IRF4: variants seen among roughly 807,000 people sequenced by gnomAD.
IRF4 encodes interferon regulatory factor 4.
Under a neutral mutation model 55.5 loss-of-function variants are expected in IRF4, and 13 were observed. The ratio of observed to expected loss-of-function variants is 0.23; its 90% CI spans 0.15 to 0.37. IRF4 has a LOEUF of 0.37. Ranked by LOEUF, IRF4 falls within the 10% of genes least tolerant of loss-of-function variation. IRF4 has a pLI of 1.00. For synonymous variants in IRF4, 249 were observed against 240.7 expected (o/e 1.03, Z -0.32); for missense variants, 397 against 593.8 (o/e 0.67, Z 3.44).
intron 1 of IRF4, among the ~76,000 whole-genome samples, chr6:392,257 G>A (rs1375449359): frequency 2.0e-5 from 3 of 152,366 alleles, no homozygotes; most frequent in South Asian, 2.1e-4. Context: ...GGCGGCCTCC[G>A]GCGCGGTGCT....
Position 395,832 on chromosome 6 carries a change from T to TC in IRF4, c.404-11dup. ...TTTTTACGTTGTGCCATTTCCCTTTTCCCCAAACATGTAGGAGCCAAGCAG... is the reference window on the plus strand; with the variant it reads ...TTTTTACGTTGTGCCATTTCCCTTTTCCCCCAAACATGTAGGAGCCAAGCAG... On this transcript the variant is annotated splice_polypyrimidine_tract_variant and intron_variant, in intron 3 of 8. Transcript: ENST00000380956. The TC allele has an allele frequency of 6.2e-7, 1 of 1,606,724 alleles. No individual in the cohort carries two copies. The highest frequency in any genetic ancestry group is 8.5e-7 in the Non-Finnish European group (1 of 1,174,380).
Position 410,057 on chromosome 6 carries a change from C to T in IRF4, c.*2459C>T, listed in dbSNP as rs971541091. 5 of 226,300 alleles carry T rather than the reference C, an allele frequency of 2.2e-5. No individual in the cohort carries two copies. Among genetic ancestry groups the T allele is most frequent in the Non-Finnish European group, 4.4e-5 (5 of 113,660 alleles). The allele number at this position is 226,300 out of a possible 1,614,324, so 14.0% of individuals were successfully genotyped here. On this transcript the variant is annotated 3_prime_UTR_variant, in exon 9 of 9. Transcript: ENST00000380956. ...GGGAATGAACTAGCTATGAAATACT[C>T]AGGGTTAGGAATCCTAGCACTTGTC...
intron 1 of IRF4, among the ~76,000 whole-genome samples, chr6:392,639 G>A (rs1414454858): frequency 6.6e-6 from 1 of 152,188 alleles, no homozygotes; most frequent in Non-Finnish European, 1.5e-5. Flanking sequence ...GGCCGCAGGC[G>A]AGGTCCTCCG....
At chr6:403,407 G>A (rs528073845) in intron 7 of IRF4, among the ~76,000 whole-genome samples, 50 of 152,386 alleles carry the variant, frequency 3.3e-4, no homozygotes, top group African/African-American at 1.0e-3. Flanking sequence ...ATACCACAAG[G>A]TGAGGGCTTT....
At chr6:392,212 C>A (rs1480301981) in intron 1 of IRF4, among the ~76,000 whole-genome samples, 2 of 152,258 alleles carry the variant, frequency 1.3e-5, no homozygotes, top group Non-Finnish European at 2.9e-5. Context: ...GAGGCTCCTT[C>A]CCCTGCTCTT....
intron 3 of IRF4, among the ~76,000 whole-genome samples, chr6:395,240 G>GGC (rs1554106740): frequency 6.7e-6 from 1 of 149,334 alleles, no homozygotes. Context: ...AATGTATATG[G>GGC]GGGGGGGTGC....
Position 393,426 on chromosome 6 carries a change from GGGGT to G in IRF4, c.216+59_216+62del. 1 of 1,278,582 alleles carries G rather than the reference GGGGT, an allele frequency of 7.8e-7. No individual in the cohort carries two copies. The allele number at this position is 1,278,582 out of a possible 1,614,324, so 79.2% of individuals were successfully genotyped here. The stretch of plus-strand genomic sequence containing the variant: ...CGGGGAGGGCCCAGAGACAGAGCCC[GGGGT>G]CCCCGGCGCCGCCTCCGAGGCGAGC... On this transcript the variant is annotated intron_variant, in intron 2 of 8. Transcript: ENST00000380956. The surrounding 1 kb of genome is among the most constrained non-coding windows in gnomAD (Gnocchi z 5.4).
rs1415326845 is a variant in IRF4 at position 393,055 on chromosome 6, A to G, written c.-55-43A>G. 6 of 1,125,354 alleles carry G rather than the reference A, an allele frequency of 5.3e-6. No individual in the cohort carries two copies. The highest frequency in any genetic ancestry group is 1.6e-5 in the African/African-American group (1 of 63,096). The allele number at this position is 1,125,354 out of a possible 1,614,324, so 69.7% of individuals were successfully genotyped here. A position where few individuals can be genotyped will look rare whatever the true frequency, so the allele number is the denominator to read the frequency against. ...CAGGGGATCGGGGCGGGGTGCCCGG[A>G]GTGCGGTGCCTCGTGGCTGAAGGGC... On this transcript the variant is annotated intron_variant, in intron 1 of 8. Transcript: ENST00000380956. The surrounding 1 kb of genome is among the most constrained non-coding windows in gnomAD (Gnocchi z 5.4).
At chr6:397,390 G>A in intron 5 of IRF4, 138 bp downstream of exon 5, 1 of 1,026,956 alleles carries the variant, frequency 9.7e-7, no homozygotes, top group Non-Finnish European at 1.4e-6. Context: ...TCGGGGAGAG[G>A]GGGGTTTTCT....
At chr6:394,004 T>C (rs1761192589) in intron 2 of IRF4, among the ~76,000 whole-genome samples, 1 of 152,228 alleles carries the variant, frequency 6.6e-6, no homozygotes, top group Non-Finnish European at 1.5e-5. Flanking sequence ...CCTTGCCCTT[T>C]GCGCGAGTGC....
intron 2 of IRF4, 125 bp from the exon 3 acceptor site, chr6:394,696 G>A: frequency 3.5e-6 from 3 of 863,208 alleles, no homozygotes; most frequent in Admixed American, 2.3e-5. Flanking sequence ...TCGATGCTGC[G>A]GTGAGCTATC....
chr6:395,842 T>C lies in IRF4; in HGVS notation c.404-5T>C, dbSNP rs1761236295. 6.2e-7 allele frequency: 1 copy of C among 1,611,848 alleles called. No individual in the cohort carries two copies. The highest frequency in any genetic ancestry group is 8.5e-7 in the Non-Finnish European group (1 of 1,178,480). On this transcript the variant is annotated splice_polypyrimidine_tract_variant and splice_region_variant and intron_variant, in intron 3 of 8. Transcript: ENST00000380956. Reference sequence around the variant, plus strand: ...GTGCCATTTCCCTTTTCCCCAAACATGTAGGAGCCAAGCAGCTCACCCTGG... The same window carrying C: ...GTGCCATTTCCCTTTTCCCCAAACACGTAGGAGCCAAGCAGCTCACCCTGG...
rs2127443650 is a variant in IRF4, at chr6:408,911, C to T, written c.*1313C>T. 4.3e-6 allele frequency: 1 copy of T among 230,464 alleles called. No homozygotes were observed. The highest frequency in any genetic ancestry group is 6.1e-5 in the East Asian group (1 of 16,412). The allele number at this position is 230,464 out of a possible 1,614,324, so 14.3% of individuals were successfully genotyped here. On this transcript the variant is annotated 3_prime_UTR_variant, in exon 9 of 9. Coordinates refer to ENST00000380956, the MANE Select transcript of IRF4 (RefSeq NM_002460.4). ...TTGACAGGGCCTTAAAATTACTTGGCTTTTTCCAAATGCTTCTATTTATAG... is the reference window on the plus strand; with the variant it reads ...TTGACAGGGCCTTAAAATTACTTGGTTTTTTCCAAATGCTTCTATTTATAG...
intron 7 of IRF4, among the ~76,000 whole-genome samples, chr6:402,451 G>A (rs1761428784): frequency 6.6e-6 from 1 of 151,830 alleles, no homozygotes; most frequent in Non-Finnish European, 1.5e-5. Flanking sequence ...GTGGGAGGGA[G>A]CTGCTCTACC....
At chr6:394,677 CTCAGGAGT>C (rs1761207664) in intron 2 of IRF4, 136 bp from the exon 3 acceptor site, 4 of 762,864 alleles carry the variant, frequency 5.2e-6, no homozygotes, top group Admixed American at 4.8e-5. Flanking sequence ...GACCCTAGAA[CTCAGGAGT>C]TCGATGCTGC....
intron 7 of IRF4, 49 bp from the exon 8 acceptor site, chr6:404,969 C>G (rs372284220): frequency 2.1e-5 from 24 of 1,166,246 alleles, no homozygotes; most frequent in Non-Finnish European, 2.8e-5. Context: ...CTGGTGTGTT[C>G]GGTGATGAGG....
chr6:399,336 G>A (rs1761343381), intron 6 of IRF4, among the ~76,000 whole-genome samples: 1 of 152,120 alleles, frequency 6.6e-6, no homozygotes, highest in African/African-American at 2.4e-5. Context: ...TCCAGGTTGA[G>A]CCACAAATAA....
At position 401,405 on chromosome 6, in the gene IRF4, C is replaced by T. The variant is rs765592332; in HGVS notation, c.746-19C>T. Reference sequence around the variant, plus strand: ...TGTCCTTGGCCCCCAGCACTGACTCCGGAGCTCTGTGTTTGCAGACTGCCG... The same window carrying T: ...TGTCCTTGGCCCCCAGCACTGACTCTGGAGCTCTGTGTTTGCAGACTGCCG... On this transcript the variant is annotated intron_variant, in intron 6 of 8. Coordinates refer to ENST00000380956, the MANE Select transcript of IRF4 (RefSeq NM_002460.4). 31 of 1,597,020 alleles carry T rather than the reference C, an allele frequency of 1.9e-5. No individual in the cohort carries two copies. The highest frequency in any genetic ancestry group is 2.2e-5 in the Non-Finnish European group (26 of 1,171,250).
Position 401,792 on chromosome 6 carries a change from T to C in IRF4, c.1099+15T>C, listed in dbSNP as rs1372002361. On this transcript the variant is annotated intron_variant, in intron 7 of 8. Coordinates refer to ENST00000380956, the MANE Select transcript of IRF4 (RefSeq NM_002460.4). ...GTTCTTGTCAGGTAAGGCACCTCGT[T>C]ATCTGTTAGAATGGAGGTGGTGATG... 1 of 1,611,438 alleles carries C rather than the reference T, an allele frequency of 6.2e-7. No individual in the cohort carries two copies. Among genetic ancestry groups the C allele is most frequent in the East Asian group, 2.2e-5 (1 of 44,860 alleles).
Sources: allele counts gnomAD v4.1 joint callset (sites outside exome capture counted in the v4.1 genomes callset), GRCh38; gene constraint gnomAD v4.1.1; non-coding constraint Gnocchi (gnomAD v3.1); transcripts MANE v1.5; gene names NCBI Gene and HGNC (gene_info 2026-07-23, HGNC 2026-07-21).